Variants in CDH7 observed in about 807,000 individuals in gnomAD.
CDH7 encodes cadherin-7.
CDH7 carries 25 observed loss-of-function variants against 71.8 expected under a neutral mutation model. The observed-to-expected ratio is 0.35, with a 90% confidence interval of 0.25 to 0.49. The LOEUF (loss-of-function observed/expected upper bound fraction) is 0.49, where lower values mean the gene tolerates loss of function less well. Ranked by LOEUF, CDH7 falls within the 20% of genes least tolerant of loss-of-function variation. The pLI, the probability that CDH7 is intolerant of heterozygous loss-of-function variation, is 0.99. For missense variants in CDH7, 862 were observed against 974.6 expected (o/e 0.88, Z 1.54); for synonymous variants, 381 against 363.8 (o/e 1.05, Z -0.54).
chr18:65,779,770 G>A (rs2143826207), intron 2 of CDH7, among the ~76,000 whole-genome samples: 1 of 56,424 alleles, frequency 1.8e-5, no homozygotes, highest in Non-Finnish European at 2.9e-5. Context: ...ACATACGTGT[G>A]CATGTGTCTT....
chr18:65,854,020 T>TC (rs1379932719), intron 7 of CDH7, among the ~76,000 whole-genome samples: 2 of 142,814 alleles, frequency 1.4e-5, no homozygotes, highest in Non-Finnish European at 3.0e-5. Flanking sequence ...TTAGAAGGGG[T>TC]CTGGGCGTGG....
chr18:65,854,338 G>A (rs1913271676), intron 7 of CDH7, among the ~76,000 whole-genome samples: 1 of 151,876 alleles, frequency 6.6e-6, no homozygotes, highest in Non-Finnish European at 1.5e-5. Context: ...GGAAGCTGCA[G>A]AGTGTATAAT....
chr18:65,820,996 A>G (rs1911904236), intron 4 of CDH7, among the ~76,000 whole-genome samples: 1 of 152,156 alleles, frequency 6.6e-6, no homozygotes, highest in South Asian at 2.1e-4. Context: ...TTTTCTACAA[A>G]TAACTCATTT....
chr18:65,775,203 C>T (rs898091793), intron 2 of CDH7, among the ~76,000 whole-genome samples: 1 of 152,080 alleles, frequency 6.6e-6, no homozygotes, highest in Non-Finnish European at 1.5e-5. Context: ...ATGATTATGC[C>T]AGTGCATAGA....
chr18:65,785,734 A>G (rs1910489900), intron 2 of CDH7, among the ~76,000 whole-genome samples: 1 of 152,172 alleles, frequency 6.6e-6, no homozygotes, highest in Non-Finnish European at 1.5e-5. Context: ...TATTAATTTT[A>G]TTCTGATTTT....
intron 11 of CDH7, among the ~76,000 whole-genome samples, chr18:65,867,074 C>G (rs1018011589): frequency 1.8e-4 from 25 of 138,224 alleles, no homozygotes; most frequent in African/African-American, 5.6e-4. Flanking sequence ...CTTGCTCTTT[C>G]ACCCAGGCTG....
intron 2 of CDH7, among the ~76,000 whole-genome samples, chr18:65,772,803 A>T (rs1176681061): frequency 1.3e-5 from 2 of 152,146 alleles, no homozygotes; most frequent in East Asian, 1.9e-4. Flanking sequence ...TATCTTCTAG[A>T]CTGATGATGG....
At chr18:65,784,785 A>T (rs1210274388) in intron 2 of CDH7, among the ~76,000 whole-genome samples, 2 of 152,182 alleles carry the variant, frequency 1.3e-5, no homozygotes. Context: ...AATTCTCGGA[A>T]CTTGATTTGT....
At chr18:65,862,438 A>T (rs1310646941) in intron 10 of CDH7, among the ~76,000 whole-genome samples, 2 of 152,190 alleles carry the variant, frequency 1.3e-5, no homozygotes, top group Non-Finnish European at 2.9e-5. Flanking sequence ...TTACTTTATA[A>T]CTATTTCTTT....
chr18:65,823,205 T>C (rs1912000469), intron 5 of CDH7, among the ~76,000 whole-genome samples: 1 of 151,886 alleles, frequency 6.6e-6, no homozygotes, highest in African/African-American at 2.4e-5. Context: ...TTAATATTTA[T>C]ATTATTATAC....
intron 10 of CDH7, 76 bp from the exon 11 acceptor site, chr18:65,862,590 G>C (rs1251961449): frequency 2.1e-6 from 3 of 1,423,226 alleles, no homozygotes; most frequent in South Asian, 1.3e-5. Flanking sequence ...AAAGTAAATA[G>C]AGTGACTTAA....
chr18:65,873,291 C>G (rs1034460723), intron 11 of CDH7, among the ~76,000 whole-genome samples: 2 of 152,108 alleles, frequency 1.3e-5, no homozygotes, highest in African/African-American at 2.4e-5. Flanking sequence ...GACAATAAAT[C>G]TGAGAATACC....
rs1912904918 is a variant in CDH7, at chr18:65,845,478, A to G, written c.1235+1413A>G. The stretch of plus-strand genomic sequence containing the variant: ...ATTGCCCTGCCTTCATGGTCAAGAA[A>G]ACTTTCTGACTGCAGTTCAGCCCCA... On this transcript the variant is annotated intron_variant, in intron 7 of 11. Transcript: ENST00000397968. Among the ~76,000 whole-genome samples, 3 of 152,088 alleles carry G rather than the reference A, an allele frequency of 2.0e-5. No individual in the cohort carries two copies. The South Asian group carries it at 6.2e-4, about 32-fold the overall frequency.
In CDH7 at chr18:65,883,818, T is replaced by G. The variant is rs2144079756; in HGVS notation, c.*2924T>G. 6.6e-6 allele frequency: 1 copy of G among 152,280 alleles called. No homozygotes were observed. Among genetic ancestry groups the G allele is most frequent in the African/African-American group, 2.4e-5 (1 of 41,584 alleles). 9.4% of individuals were successfully genotyped at this position (152,280 alleles called of 1,614,324 possible). A position where few individuals can be genotyped will look rare whatever the true frequency, so the allele number is the denominator to read the frequency against. ...ATTTAAAATAATGACATGAAAGGAA[T>G]TTATGCTATATTTTACTACTAAATA... is the stretch of plus-strand genomic sequence containing the variant. On this transcript the variant is annotated 3_prime_UTR_variant, in exon 12 of 12. Transcript: ENST00000397968.
In CDH7 at chr18:65,796,437, C is replaced by T. The variant is rs115328226; in HGVS notation, c.211-13267C>T. 7.2e-3 allele frequency among the ~76,000 whole-genome samples: 1,098 copies of T among 152,286 alleles called. 13 individuals are homozygous for T. Among genetic ancestry groups the T allele is most frequent in the African/African-American group, 0.025 (1,051 of 41,570 alleles). Reference sequence around the variant, plus strand: ...ATTATTTTAAAATAAGGCAACATTACACACCCAGAACTCAGTCTCCCATGC... The same window carrying T: ...ATTATTTTAAAATAAGGCAACATTATACACCCAGAACTCAGTCTCCCATGC... On this transcript the variant is annotated intron_variant, in intron 2 of 11. Coordinates refer to ENST00000397968, the MANE Select transcript of CDH7 (RefSeq NM_004361.5).
intron 2 of CDH7, among the ~76,000 whole-genome samples, chr18:65,765,199 A>T (rs1403987999): frequency 6.6e-6 from 1 of 152,038 alleles, no homozygotes; most frequent in Admixed American, 6.6e-5. Flanking sequence ...TAAAATACAG[A>T]AAAAGGGCTG....
intron 1 of CDH7, among the ~76,000 whole-genome samples, chr18:65,759,503 T>G: frequency 6.6e-6 from 1 of 151,878 alleles, no homozygotes; most frequent in East Asian, 1.9e-4. Flanking sequence ...TTTCCTGACT[T>G]GGCCTCCCGA....
chr18:65,792,570 A>G (rs543463003), intron 2 of CDH7, among the ~76,000 whole-genome samples: 2 of 152,226 alleles, frequency 1.3e-5, no homozygotes, highest in African/African-American at 2.4e-5. Flanking sequence ...GTGTGTGGAT[A>G]ATACTGTGTT....
chr18:65,802,188 G>C (rs1265113424), intron 2 of CDH7, among the ~76,000 whole-genome samples: 3 of 152,230 alleles, frequency 2.0e-5, no homozygotes, highest in Non-Finnish European at 4.4e-5. Flanking sequence ...GTGATGAAAG[G>C]CTAAGGGGTT....
Sources: gnomAD v4.1 joint callset for allele counts (sites outside exome capture counted in the v4.1 genomes callset) on GRCh38, gnomAD v4.1.1 for gene constraint, MANE v1.5 for transcripts, NCBI Gene and HGNC (gene_info 2026-07-23, HGNC 2026-07-21) for gene names.